CACHD1: variants seen among roughly 807,000 people sequenced by gnomAD.
CACHD1 encodes cache domain containing 1, also known as VWFA and cache domain-containing protein 1.
A neutral mutation model predicts 138.7 loss-of-function variants in CACHD1; 71 were observed. That is an observed-to-expected ratio of 0.51 (90% CI 0.42 to 0.62). The LOEUF (loss-of-function observed/expected upper bound fraction) is 0.62, where lower values mean the gene tolerates loss of function less well. Ranked by LOEUF, CACHD1 falls within the 20% of genes least tolerant of loss-of-function variation. The pLI is 0.00. For missense variants in CACHD1, 1,389 were observed against 1,625.3 expected (o/e 0.85, Z 2.50); for synonymous variants, 578 against 591.5 (o/e 0.98, Z 0.33).
At chr1:64,519,989 G>A (rs1646486582) in intron 1 of CACHD1, among the ~76,000 whole-genome samples, 1 of 152,174 alleles carries the variant, frequency 6.6e-6, no homozygotes, top group African/African-American at 2.4e-5. Context: ...CAGCCAGTAG[G>A]CACAAAATAT....
In CACHD1 at chr1:64,507,405, A is replaced by G. The variant is rs556970755; in HGVS notation, c.198+36463A>G. 5.9e-5 allele frequency among the ~76,000 whole-genome samples: 9 copies of G among 152,342 alleles called. No homozygotes were observed. The East Asian group carries it at 1.5e-3, about 26-fold the overall frequency. On this transcript the variant is annotated intron_variant, in intron 1 of 26. Transcript: ENST00000651257. ...GAGGCCACAGTTGAGACCACAGCAT[A>G]TGCCAATTGAGTTGAACTAGTGGGC...
At chr1:64,666,529 G>C (rs980284091) in intron 16 of CACHD1, among the ~76,000 whole-genome samples, 7 of 152,100 alleles carry the variant, frequency 4.6e-5, no homozygotes, top group Non-Finnish European at 8.8e-5. Context: ...ATCAATAGGA[G>C]CCTGACAATT....
Position 64,675,991 on chromosome 1 carries a change from AATTAATAATAATAAT to A in CACHD1, c.2975+10_2975+24del. The A allele has an allele frequency of 1.5e-6, 1 of 686,550 alleles. No individual in the cohort carries two copies. The highest frequency in any genetic ancestry group is 2.0e-6 in the Non-Finnish European group (1 of 491,588). The allele number at this position is 686,550 out of a possible 1,614,324, so 42.5% of individuals were successfully genotyped here. ...CACCAATGCAGAGAACCGGTAAAATAATTAATAATAATAATAATAATAATAATAATAATAATAATA... is the reference window on the plus strand; with the variant it reads ...CACCAATGCAGAGAACCGGTAAAATAAATAATAATAATAATAATAATAATA... On this transcript the variant is annotated intron_variant, in intron 21 of 26. Transcript: ENST00000651257.
At chr1:64,490,852 G>C (rs571095240) in intron 1 of CACHD1, among the ~76,000 whole-genome samples, 2 of 152,190 alleles carry the variant, frequency 1.3e-5, no homozygotes, top group South Asian at 4.1e-4. Context: ...TTTATTCTCA[G>C]GGAAGTCAGC....
chr1:64,472,191 G>T (rs972219396), intron 1 of CACHD1, among the ~76,000 whole-genome samples: 7 of 50,366 alleles, frequency 1.4e-4, no homozygotes, highest in Admixed American at 5.3e-4. Flanking sequence ...TTTCTTCTTC[G>T]TCGCGTCGTC....
intron 9 of CACHD1, among the ~76,000 whole-genome samples, chr1:64,650,733 T>G (rs1649060806): frequency 6.6e-6 from 1 of 152,186 alleles, no homozygotes; most frequent in Non-Finnish European, 1.5e-5. Flanking sequence ...TTAAATCCCT[T>G]TCCTGGGGGT....
At chr1:64,543,866 C>CCT (rs1553131456) in intron 1 of CACHD1, among the ~76,000 whole-genome samples, 1 of 77,510 alleles carries the variant, frequency 1.3e-5, no homozygotes, top group African/African-American at 4.8e-5. Flanking sequence ...CTTTTCAGTG[C>CCT]TTTTTTTTTT....
At chr1:64,514,457 C>G (rs570641231) in intron 1 of CACHD1, among the ~76,000 whole-genome samples, 3 of 151,950 alleles carry the variant, frequency 2.0e-5, no homozygotes, top group Admixed American at 6.6e-5. Flanking sequence ...TTTTGTAGCT[C>G]GATATAAAAG....
intron 1 of CACHD1, among the ~76,000 whole-genome samples, chr1:64,486,791 T>C (rs1371262252): frequency 6.6e-6 from 1 of 152,206 alleles, no homozygotes; most frequent in Non-Finnish European, 1.5e-5. Flanking sequence ...ACAGAGTCCC[T>C]GCCTTTAAGG....
chr1:64,604,155 A>G (rs1647270483), intron 4 of CACHD1, among the ~76,000 whole-genome samples: 1 of 152,226 alleles, frequency 6.6e-6, no homozygotes, highest in Non-Finnish European at 1.5e-5. Flanking sequence ...TTGTATACAC[A>G]AATCATGTAA....
chr1:64,642,094 C>T (rs1042929955), intron 8 of CACHD1, 125 bp downstream of exon 8: 24 of 789,378 alleles, frequency 3.0e-5, no homozygotes, highest in Admixed American at 1.0e-4. Context: ...GGCAACCAGG[C>T]GGCTCTTTCT....
At position 64,481,282 on chromosome 1, in the gene CACHD1, A is replaced by AT. The variant is rs554250387; in HGVS notation, c.198+10349dup. Reference sequence around the variant, plus strand: ...TGCAGTCAAAGCCCAAGACGGCAGCATTTTTTTTTCTTGCTTCCCCTTGGA... The same window carrying AT: ...TGCAGTCAAAGCCCAAGACGGCAGCATTTTTTTTTTCTTGCTTCCCCTTGGA... On this transcript the variant is annotated intron_variant, in intron 1 of 26. Transcript: ENST00000651257. 3.1e-4 allele frequency among the ~76,000 whole-genome samples: 47 copies of AT among 151,326 alleles called. No individual in the cohort carries two copies. The South Asian group carries it at 6.3e-3, about 20-fold the overall frequency.
chr1:64,518,580 T>G (rs1646475916), intron 1 of CACHD1, among the ~76,000 whole-genome samples: 1 of 152,152 alleles, frequency 6.6e-6, no homozygotes, highest in Non-Finnish European at 1.5e-5. Flanking sequence ...TAACACAGAA[T>G]CACATGGATT....
chr1:64,531,094 A>G (rs1646581639), intron 1 of CACHD1, among the ~76,000 whole-genome samples: 1 of 152,190 alleles, frequency 6.6e-6, no homozygotes, highest in Non-Finnish European at 1.5e-5. Flanking sequence ...AAGTCTGTTC[A>G]TTACATGGAA....
chr1:64,470,574 C>G lies in CACHD1; in HGVS notation c.-171C>G, dbSNP rs1397006377. Among the ~76,000 whole-genome samples, 1 of 151,884 alleles carries G rather than the reference C, an allele frequency of 6.6e-6. No individual in the cohort carries two copies. The highest frequency in any genetic ancestry group is 1.5e-5 in the Non-Finnish European group (1 of 67,946). On this transcript the variant is annotated 5_prime_UTR_variant, in exon 1 of 27. Transcript: ENST00000651257. The surrounding 1 kb of genome is among the most constrained non-coding windows in gnomAD (Gnocchi z 5.2). The stretch of plus-strand genomic sequence containing the variant: ...GATGGTGGCCGCCCGCGCTCCCGCG[C>G]TGTAGCCGGGCGCCCCCTAAGTTTG...
In CACHD1 at chr1:64,634,039, T is replaced by G. The variant is rs755551827; in HGVS notation, c.790-5T>G. 3 of 1,563,932 alleles carry G rather than the reference T, an allele frequency of 1.9e-6. No homozygotes were observed. The highest frequency in any genetic ancestry group is 2.6e-6 in the Non-Finnish European group (3 of 1,147,600). On this transcript the variant is annotated splice_polypyrimidine_tract_variant and splice_region_variant and intron_variant, in intron 6 of 26. Transcript: ENST00000651257. Reference sequence around the variant, plus strand: ...GGTGGTTTTTTTTTTTTTTCTTTCCTGCAGATTTCTGTGTTAACTGTGGCA... The same window carrying G: ...GGTGGTTTTTTTTTTTTTTCTTTCCGGCAGATTTCTGTGTTAACTGTGGCA...
rs397819120 is a variant in CACHD1 at position 64,673,104 on chromosome 1, GA to G, written c.2511-41del. On this transcript the variant is annotated intron_variant, in intron 17 of 26. Coordinates refer to ENST00000651257, the MANE Select transcript of CACHD1 (RefSeq NM_020925.4). ...AGATAAATGCTCTCTGAATACGTTT[GA>G]AAAAAAAAAAAACAGCTGATATGAA... The G allele has an allele frequency of 8.4e-3, 10,464 of 1,244,270 alleles. 1 individual carries two copies. Among genetic ancestry groups the G allele is most frequent in the African/African-American group, 0.011 (702 of 63,920 alleles). The allele number at this position is 1,244,270 out of a possible 1,614,324, so 77.1% of individuals were successfully genotyped here.
chr1:64,496,203 G>C (rs906047013), intron 1 of CACHD1, among the ~76,000 whole-genome samples: 10 of 152,266 alleles, frequency 6.6e-5, no homozygotes, highest in Admixed American at 6.5e-5. Flanking sequence ...GTAGGCTCAA[G>C]GTTCTATAAA....
chr1:64,544,458 C>G (rs2100437637), intron 1 of CACHD1, among the ~76,000 whole-genome samples: 1 of 152,122 alleles, frequency 6.6e-6, no homozygotes, highest in Non-Finnish European at 1.5e-5. Flanking sequence ...TGCTATCTGT[C>G]AAGCAGGCTC....
Sources: allele counts gnomAD v4.1 joint callset (sites outside exome capture counted in the v4.1 genomes callset), GRCh38; gene constraint gnomAD v4.1.1; non-coding constraint Gnocchi (gnomAD v3.1); transcripts MANE v1.5; gene names NCBI Gene and HGNC (gene_info 2026-07-23, HGNC 2026-07-21).